Variants in ZFPM2 observed in about 807,000 individuals in gnomAD.
ZFPM2 encodes zinc finger protein ZFPM2.
A neutral mutation model predicts 98.6 loss-of-function variants in ZFPM2; 20 were observed. The observed-to-expected ratio is 0.20, with a 90% CI of 0.14 to 0.29. The LOEUF is 0.29. ZFPM2 is among the 10% of genes least tolerant of loss of function. ZFPM2 has a pLI of 1.00. For missense variants in ZFPM2, 1,310 were observed against 1,388.6 expected, an observed-to-expected ratio of 0.94 and a Z score of 0.90; for synonymous variants, 518 against 502.7, an observed-to-expected ratio of 1.03 and a Z score of -0.41.
intron 3 of ZFPM2, among the ~76,000 whole-genome samples, chr8:105,470,089 A>C (rs1477553199): frequency 6.6e-6 from 1 of 152,218 alleles, no homozygotes; most frequent in Non-Finnish European, 1.5e-5. Context: ...TATTTTCAAA[A>C]AACAATATAT....
In ZFPM2 at chr8:105,759,509, TC is replaced by T. The variant is rs1177964564; in HGVS notation, c.533-29205del. ...ATTGTTGGCATAATGATTTTTCTAC[TC>T]CCCTAAAACTCTTACAGCAAGTGAT... is the stretch of plus-strand genomic sequence containing the variant. On this transcript the variant is annotated intron_variant, in intron 5 of 7. Coordinates refer to ENST00000407775, the MANE Select transcript of ZFPM2 (RefSeq NM_012082.4). Among the ~76,000 whole-genome samples the T allele has an allele frequency of 2.0e-5, 3 of 151,872 alleles. No individual in the cohort carries two copies. The East Asian group carries it at 5.8e-4, about 29-fold the overall frequency.
intron 5 of ZFPM2, among the ~76,000 whole-genome samples, chr8:105,782,828 G>A (rs917465267): frequency 2.0e-5 from 3 of 151,978 alleles, no homozygotes; most frequent in South Asian, 2.1e-4. Flanking sequence ...CATTAATATG[G>A]ATTAGTGTAT....
intron 4 of ZFPM2, among the ~76,000 whole-genome samples, chr8:105,620,612 T>C (rs550077484): frequency 6.6e-6 from 1 of 152,340 alleles, no homozygotes; most frequent in Non-Finnish European, 1.5e-5. Flanking sequence ...TGCCCATGTC[T>C]ATGTCCTGAA....
intron 4 of ZFPM2, among the ~76,000 whole-genome samples, chr8:105,584,892 G>A (rs541069503): frequency 4.6e-5 from 7 of 152,238 alleles, no homozygotes; most frequent in South Asian, 2.1e-4. Context: ...AAGGTAGAAC[G>A]TTGGTTATGA....
intron 5 of ZFPM2, among the ~76,000 whole-genome samples, chr8:105,711,054 G>A (rs1386739228): frequency 6.6e-6 from 1 of 151,332 alleles, no homozygotes; most frequent in Non-Finnish European, 1.5e-5. Flanking sequence ...TGGTCATTAA[G>A]GTTTTTTAAA....
At chr8:105,637,730 T>G (rs1816875031) in intron 5 of ZFPM2, among the ~76,000 whole-genome samples, 1 of 152,070 alleles carries the variant, frequency 6.6e-6, no homozygotes, top group Admixed American at 6.6e-5. Flanking sequence ...GCACTCCTAC[T>G]CGTATCCAAA....
chr8:105,344,434 T>G (rs1812480706), intron 1 of ZFPM2, among the ~76,000 whole-genome samples: 1 of 152,182 alleles, frequency 6.6e-6, no homozygotes. Context: ...CACTTTGACA[T>G]TCCTTCTGCC....
At chr8:105,414,728 A>T (rs984144102) in intron 1 of ZFPM2, 1 of 151,782 alleles carries the variant, frequency 6.6e-6, no homozygotes, top group African/African-American at 2.4e-5. Context: ...AAATTCATTT[A>T]TCTGGGGGAC....
At chr8:105,792,027 CT>C (rs558919706) in intron 6 of ZFPM2, among the ~76,000 whole-genome samples, 1,685 of 151,928 alleles carry the variant, frequency 0.011, 27 homozygotes, top group African/African-American at 0.038. Context: ...TTTGTTGATC[CT>C]TTCAAAAAAC....
chr8:105,729,357 G>C (rs1192649763), intron 5 of ZFPM2, among the ~76,000 whole-genome samples: 2 of 151,362 alleles, frequency 1.3e-5, no homozygotes, highest in Non-Finnish European at 3.0e-5. Context: ...CATTGTAAAG[G>C]ATTTCATTGT....
intron 5 of ZFPM2, among the ~76,000 whole-genome samples, chr8:105,658,460 C>T (rs1187253380): frequency 1.1e-5 from 1 of 93,558 alleles, no homozygotes; most frequent in Non-Finnish European, 2.1e-5. Flanking sequence ...AGGTGGCGGG[C>T]GCCTGTAGTC....
chr8:105,393,270 C>G (rs1327666797), intron 1 of ZFPM2, among the ~76,000 whole-genome samples: 1 of 152,062 alleles, frequency 6.6e-6, no homozygotes, highest in Non-Finnish European at 1.5e-5. Flanking sequence ...ATGTGCTATA[C>G]TGAAGAAATT....
At chr8:105,394,280 T>C (rs1249313157) in intron 1 of ZFPM2, among the ~76,000 whole-genome samples, 1 of 152,176 alleles carries the variant, frequency 6.6e-6, no homozygotes, top group Non-Finnish European at 1.5e-5. Context: ...AACAGGGGCA[T>C]CTCTAGGAGC....
At chr8:105,637,871 C>G (rs114512932) in intron 5 of ZFPM2, among the ~76,000 whole-genome samples, 35 of 152,172 alleles carry the variant, frequency 2.3e-4, no homozygotes, top group Admixed American at 8.5e-4. Context: ...GTGGCATTTT[C>G]GTAATGCCTA....
chr8:105,792,776 G>C (rs1287071304), intron 6 of ZFPM2, among the ~76,000 whole-genome samples: 1 of 152,094 alleles, frequency 6.6e-6, no homozygotes, highest in African/African-American at 2.4e-5. Flanking sequence ...CTCCTGTATT[G>C]GGTGCATATA....
chr8:105,740,792 TAAAC>T lies in ZFPM2; in HGVS notation c.533-47922_533-47919del, dbSNP rs1210818568. ...TACTCCAATAGGGAAAAGAAGATGA[TAAAC>T]AAATCAATGCATAAAATGTATAATT... On this transcript the variant is annotated intron_variant, in intron 5 of 7. Coordinates refer to ENST00000407775, the MANE Select transcript of ZFPM2 (RefSeq NM_012082.4). Among the ~76,000 whole-genome samples, 5 of 151,954 alleles carry T rather than the reference TAAAC, an allele frequency of 3.3e-5. No individual in the cohort carries two copies. In the East Asian group the frequency reaches 7.8e-4, roughly 24 times the overall value.
At chr8:105,518,052 A>T (rs921403362) in intron 3 of ZFPM2, among the ~76,000 whole-genome samples, 1 of 152,150 alleles carries the variant, frequency 6.6e-6, no homozygotes, top group African/African-American at 2.4e-5. Flanking sequence ...GACTAAGTTG[A>T]TTTTATCTGT....
chr8:105,649,091 C>T (rs1364703245), intron 5 of ZFPM2, among the ~76,000 whole-genome samples: 1 of 152,148 alleles, frequency 6.6e-6, no homozygotes, highest in Non-Finnish European at 1.5e-5. Context: ...AGAGGTCCTT[C>T]ACATCCCTTG....
intron 3 of ZFPM2, among the ~76,000 whole-genome samples, chr8:105,557,733 G>GAATGAGGCATAAAGGAATA (rs1299829964): frequency 6.6e-6 from 1 of 152,138 alleles, no homozygotes; most frequent in Non-Finnish European, 1.5e-5. Flanking sequence ...ATAAACGAAT[G>GAATGAGGCATAAAGGAATA]AATGAGGCAT....
Sources: gnomAD v4.1 joint callset for allele counts (sites outside exome capture counted in the v4.1 genomes callset) on GRCh38, gnomAD v4.1.1 for gene constraint, MANE v1.5 for transcripts, NCBI Gene and HGNC (gene_info 2026-07-23, HGNC 2026-07-21) for gene names.